Variants in MEIS1 observed in about 807,000 individuals in gnomAD.
The protein encoded by MEIS1 is Meis homeobox 1.
MEIS1 carries 5 observed loss-of-function variants against 50.8 expected under a neutral mutation model. The ratio of observed to expected loss-of-function variants is 0.10; its 90% CI spans 0.05 to 0.21. The LOEUF (loss-of-function observed/expected upper bound fraction) is 0.21, where lower values mean the gene tolerates loss of function less well. Ranked by LOEUF, MEIS1 falls within the 10% of genes least tolerant of loss-of-function variation. The pLI is 1.00. For synonymous variants in MEIS1, 176 were observed against 179.3 expected, an observed-to-expected ratio of 0.98 and a Z score of 0.15; for missense variants, 318 against 517.3, an observed-to-expected ratio of 0.61 and a Z score of 3.74.
intron 7 of MEIS1, among the ~76,000 whole-genome samples, chr2:66,468,403 C>T (rs144776284): frequency 6.9e-4 from 105 of 152,260 alleles, no homozygotes; most frequent in African/African-American, 2.4e-3. Flanking sequence ...CTGGACAGGT[C>T]TCTGTTTTTG....
intron 6 of MEIS1, among the ~76,000 whole-genome samples, chr2:66,454,166 T>A (rs1028358507): frequency 1.2e-4 from 18 of 152,076 alleles, no homozygotes; most frequent in African/African-American, 4.1e-4. Flanking sequence ...TTTAGAGTAG[T>A]AAATCCCCAA....
At chr2:66,530,752 G>A (rs192114889) in intron 8 of MEIS1, among the ~76,000 whole-genome samples, 2 of 152,274 alleles carry the variant, frequency 1.3e-5, no homozygotes, top group Non-Finnish European at 2.9e-5. Flanking sequence ...AACATTCATT[G>A]AGCCCCAGTC....
chr2:66,473,397 A>AAAAAAAAAAAAAAAAATATATATATAT, intron 7 of MEIS1, among the ~76,000 whole-genome samples: 14 of 107,566 alleles, frequency 1.3e-4, no homozygotes, highest in Admixed American at 9.6e-4. Flanking sequence ...AAAAAAAAAA[A>AAAAAAAAAAAAAAAAATATATATATAT]ATATATATAT....
chr2:66,460,663 C>T (rs1672495754), intron 6 of MEIS1, among the ~76,000 whole-genome samples: 1 of 152,166 alleles, frequency 6.6e-6, no homozygotes, highest in African/African-American at 2.4e-5. Flanking sequence ...CACTGGCTGT[C>T]AATAACAAGT....
chr2:66,469,863 A>G (rs1222749930), intron 7 of MEIS1, among the ~76,000 whole-genome samples: 1 of 152,172 alleles, frequency 6.6e-6, no homozygotes, highest in African/African-American at 2.4e-5. Context: ...TGTAATCTGA[A>G]ACTGCTGTCA....
intron 9 of MEIS1, among the ~76,000 whole-genome samples, chr2:66,561,848 G>A (rs1675220741): frequency 6.6e-6 from 1 of 152,092 alleles, no homozygotes; most frequent in African/African-American, 2.4e-5. Context: ...GGGGGGTGAA[G>A]CAGAGCCATG....
In MEIS1 at chr2:66,529,878, T is replaced by A. The variant is rs372766875; in HGVS notation, c.888+17584T>A. 4.7e-4 allele frequency among the ~76,000 whole-genome samples: 71 copies of A among 152,320 alleles called. 2 individuals are homozygous for A. The South Asian group carries it at 0.011, about 23-fold the overall frequency. ...GGAATTGCTACTATGTTCCATGCAA[T>A]TTGTTAATGCATAGCCTACTTACTT... On this transcript the variant is annotated intron_variant, in intron 8 of 12. Coordinates refer to ENST00000272369, the MANE Select transcript of MEIS1 (RefSeq NM_002398.3).
At chr2:66,482,190 G>A (rs1673033502) in intron 7 of MEIS1, among the ~76,000 whole-genome samples, 1 of 152,084 alleles carries the variant, frequency 6.6e-6, no homozygotes, top group Admixed American at 6.5e-5. Flanking sequence ...TATATTTACT[G>A]AAAATCTACT....
At chr2:66,526,181 AATT>A (rs1274997834) in intron 8 of MEIS1, among the ~76,000 whole-genome samples, 1 of 152,204 alleles carries the variant, frequency 6.6e-6, no homozygotes, top group Non-Finnish European at 1.5e-5. Context: ...AGATCTAAGG[AATT>A]ATTATAAGTA....
intron 9 of MEIS1, among the ~76,000 whole-genome samples, chr2:66,560,472 T>C (rs865941778): frequency 6.6e-6 from 1 of 151,310 alleles, no homozygotes; most frequent in Non-Finnish European, 1.5e-5. Context: ...TGCATAACTG[T>C]AGTCCTCGGA....
chr2:66,532,624 A>T (rs1312766408), intron 8 of MEIS1, among the ~76,000 whole-genome samples: 1 of 152,244 alleles, frequency 6.6e-6, no homozygotes, highest in Non-Finnish European at 1.5e-5. Flanking sequence ...CCATGAAAAA[A>T]AAAACAGCTT....
intron 7 of MEIS1, among the ~76,000 whole-genome samples, chr2:66,465,940 T>C (rs948081817): frequency 6.6e-6 from 1 of 152,234 alleles, no homozygotes; most frequent in Non-Finnish European, 1.5e-5. Flanking sequence ...TGATTGTAAC[T>C]AGGAACTACA....
intron 6 of MEIS1, among the ~76,000 whole-genome samples, chr2:66,449,921 T>C (rs1219717842): frequency 2.0e-5 from 3 of 152,168 alleles, no homozygotes; most frequent in Admixed American, 6.5e-5. Context: ...GATTCTCTGA[T>C]GGAAAAAGGG....
At chr2:66,512,098 T>G in intron 7 of MEIS1, 51 bp from the exon 8 acceptor site, 4 of 1,496,392 alleles carry the variant, frequency 2.7e-6, no homozygotes, top group Non-Finnish European at 3.6e-6. Flanking sequence ...TCTATTTGAA[T>G]AAAGCATGTC....
intron 7 of MEIS1, among the ~76,000 whole-genome samples, chr2:66,485,745 A>C (rs1163790117): frequency 6.6e-6 from 1 of 152,166 alleles, no homozygotes; most frequent in Non-Finnish European, 1.5e-5. Context: ...ATTTCTCTAC[A>C]TCCTCTCCAG....
chr2:66,536,451 A>G (rs907872428), intron 8 of MEIS1, among the ~76,000 whole-genome samples: 3 of 152,220 alleles, frequency 2.0e-5, no homozygotes, highest in Non-Finnish European at 2.9e-5. Context: ...CTTAGAGACA[A>G]GTAATAATTA....
chr2:66,472,423 A>C (rs1264457664), intron 7 of MEIS1, among the ~76,000 whole-genome samples: 1 of 152,246 alleles, frequency 6.6e-6, no homozygotes, highest in African/African-American at 2.4e-5. Flanking sequence ...ATTCTAGTCA[A>C]GTCATCAAAA....
chr2:66,480,076 T>C (rs1672981993), intron 7 of MEIS1, among the ~76,000 whole-genome samples: 1 of 152,130 alleles, frequency 6.6e-6, no homozygotes, highest in South Asian at 2.1e-4. Flanking sequence ...TGATAAGAGG[T>C]AAGCAAATGA....
At chr2:66,549,505 T>A (rs541294681) in intron 9 of MEIS1, among the ~76,000 whole-genome samples, 10 of 152,210 alleles carry the variant, frequency 6.6e-5, no homozygotes, top group African/African-American at 2.4e-4. Context: ...ATATTTGAAA[T>A]ATGAAATTTC....
Sources: allele counts gnomAD v4.1 joint callset (sites outside exome capture counted in the v4.1 genomes callset), GRCh38; gene constraint gnomAD v4.1.1; transcripts MANE v1.5; gene names NCBI Gene and HGNC (gene_info 2026-07-23, HGNC 2026-07-21).